Variants in KALRN observed in about 807,000 individuals in gnomAD.
KALRN encodes the protein kalirin RhoGEF kinase, also known as kalirin.
KALRN carries 70 observed loss-of-function variants against 353.7 expected under a neutral mutation model. That is an observed-to-expected ratio of 0.20 (90% CI 0.16 to 0.24). KALRN has a LOEUF of 0.24. Among genes scored for constraint, KALRN ranks in the 10% least tolerant of loss-of-function variants. KALRN has a pLI of 1.00. For missense variants in KALRN, 2,791 were observed against 3,756.7 expected, an observed-to-expected ratio of 0.74 and a Z score of 6.72; for synonymous variants, 1,391 against 1,434.8, an observed-to-expected ratio of 0.97 and a Z score of 0.69.
intron 5 of KALRN, among the ~76,000 whole-genome samples, chr3:124,286,747 T>C (rs538659591): frequency 6.6e-6 from 1 of 152,246 alleles, no homozygotes; most frequent in South Asian, 2.1e-4. Context: ...TTTTGTCCCT[T>C]CCCCCCATTT....
At chr3:124,713,325 T>C (rs550788057) in intron 58 of KALRN, among the ~76,000 whole-genome samples, 190 bp downstream of exon 58, 3 of 152,296 alleles carry the variant, frequency 2.0e-5, no homozygotes, top group African/African-American at 7.2e-5. Context: ...AAAATCATAA[T>C]AGGAATAAGG....
intron 1 of KALRN, among the ~76,000 whole-genome samples, chr3:124,052,950 A>C (rs563328411): frequency 1.3e-5 from 2 of 152,246 alleles, no homozygotes; most frequent in African/African-American, 4.8e-5. Flanking sequence ...AACATCATGG[A>C]GAATTAGAGG....
intron 34 of KALRN, among the ~76,000 whole-genome samples, chr3:124,599,481 G>GC (rs1330671250): frequency 2.6e-5 from 4 of 152,092 alleles, no homozygotes; most frequent in African/African-American, 4.8e-5. Context: ...ACCCACCTTG[G>GC]CCTTTCCCAT....
chr3:124,301,260 A>G (rs965733836), intron 6 of KALRN, among the ~76,000 whole-genome samples: 19 of 152,356 alleles, frequency 1.2e-4, no homozygotes, highest in South Asian at 2.1e-4. Flanking sequence ...CAGCACATCA[A>G]AAACCTTTCT....
intron 14 of KALRN, among the ~76,000 whole-genome samples, chr3:124,419,580 A>G (rs960298321): frequency 2.6e-5 from 4 of 152,094 alleles, no homozygotes; most frequent in Admixed American, 6.5e-5. Flanking sequence ...ATTGGGTGAT[A>G]TGAGTGAAGC....
chr3:124,560,524 G>A (rs2071847247), intron 33 of KALRN, among the ~76,000 whole-genome samples: 1 of 152,234 alleles, frequency 6.6e-6, no homozygotes, highest in Non-Finnish European at 1.5e-5. Flanking sequence ...TGGAGCTTGT[G>A]TTTCAGTGAT....
At chr3:124,322,027 A>G (rs1197365044) in intron 6 of KALRN, among the ~76,000 whole-genome samples, 1 of 152,238 alleles carries the variant, frequency 6.6e-6, no homozygotes, top group African/African-American at 2.4e-5. Context: ...CCTTCTGGCC[A>G]GGGAAACTGG....
chr3:124,431,581 A>G (rs1481105888), intron 16 of KALRN, among the ~76,000 whole-genome samples: 2 of 152,190 alleles, frequency 1.3e-5, no homozygotes, highest in Admixed American at 6.5e-5. Context: ...TAAGTTAATT[A>G]CCAATGGGAA....
chr3:124,699,486 T>C (rs1404608696), intron 55 of KALRN, among the ~76,000 whole-genome samples: 1 of 152,248 alleles, frequency 6.6e-6, no homozygotes, highest in Non-Finnish European at 1.5e-5. Context: ...CATGTTACTT[T>C]CCATTTTGTT....
At chr3:124,646,362 A>G (rs12185948) in intron 37 of KALRN, among the ~76,000 whole-genome samples, 17,072 of 133,458 alleles carry the variant, frequency 0.13, 1,071 homozygotes, top group African/African-American at 0.15. Flanking sequence ...ACATCTCTCT[A>G]TGTGACTGCT....
intron 13 of KALRN, 64 bp from the exon 14 acceptor site, chr3:124,413,406 C>T (rs560959965): frequency 2.9e-6 from 4 of 1,381,592 alleles, no homozygotes; most frequent in Middle Eastern, 1.8e-4. Flanking sequence ...GAATTGTGAG[C>T]CTTAACCTAA....
At chr3:124,422,525 T>C (rs113618820) in intron 14 of KALRN, among the ~76,000 whole-genome samples, 1 of 152,152 alleles carries the variant, frequency 6.6e-6, no homozygotes, top group Admixed American at 6.5e-5. Context: ...GGTGCTGTCA[T>C]GTCTAGGGAT....
At chr3:124,367,099 C>G (rs71623413) in intron 10 of KALRN, among the ~76,000 whole-genome samples, 1 of 118,072 alleles carries the variant, frequency 8.5e-6, no homozygotes, top group South Asian at 3.1e-4. Context: ...GGTGGCTGGC[C>G]GGGCTGAGGG....
chr3:124,642,343 C>G (rs2082130721), intron 37 of KALRN, among the ~76,000 whole-genome samples: 1 of 151,862 alleles, frequency 6.6e-6, no homozygotes, highest in Non-Finnish European at 1.5e-5. Context: ...AAAGAAAGCC[C>G]CTTTCTGAGC....
intron 1 of KALRN, among the ~76,000 whole-genome samples, chr3:124,160,405 A>C (rs2150011201): frequency 6.6e-6 from 1 of 152,210 alleles, no homozygotes; most frequent in South Asian, 2.1e-4. Flanking sequence ...TCAGGAATAA[A>C]AGAGGTCTGT....
At chr3:124,177,420 A>G (rs1308414352) in intron 1 of KALRN, among the ~76,000 whole-genome samples, 2 of 152,108 alleles carry the variant, frequency 1.3e-5, no homozygotes, top group African/African-American at 4.8e-5. Flanking sequence ...GTTGTTTTTT[A>G]CCTCCTAGAA....
intron 5 of KALRN, among the ~76,000 whole-genome samples, chr3:124,274,918 C>T (rs1415472318): frequency 6.6e-6 from 1 of 152,166 alleles, no homozygotes; most frequent in East Asian, 1.9e-4. Context: ...CCATGGGTGC[C>T]ATGCTGAAAT....
chr3:124,563,366 C>T (rs2072304934), intron 34 of KALRN, among the ~76,000 whole-genome samples: 1 of 152,184 alleles, frequency 6.6e-6, no homozygotes, highest in Admixed American at 6.5e-5. Context: ...AGATCTCTTC[C>T]AGTTTTCCCA....
At chr3:124,455,684 TA>T (rs1384126980) in intron 22 of KALRN, among the ~76,000 whole-genome samples, 1 of 152,198 alleles carries the variant, frequency 6.6e-6, no homozygotes, top group African/African-American at 2.4e-5. Context: ...CTTGGCTTCA[TA>T]AGTACCATCT....
Sources: allele counts gnomAD v4.1 joint callset (sites outside exome capture counted in the v4.1 genomes callset), GRCh38; gene constraint gnomAD v4.1.1; transcripts MANE v1.5; gene names NCBI Gene and HGNC (gene_info 2026-07-23, HGNC 2026-07-21).